The following EYS variants were observed in gnomAD, a reference collection of about 807,000 sequenced individuals.
EYS encodes EGF-like photoreceptor maintenance factor.
A neutral mutation model predicts 282.1 loss-of-function variants in EYS; 250 were observed. That is an observed-to-expected ratio of 0.89 (90% CI 0.80 to 0.98). The LOEUF is 0.98. EYS is among the 50% of genes least tolerant of loss of function. EYS has a pLI of 0.00. For missense variants in EYS, 4,016 were observed against 3,709.0 expected (o/e 1.08, Z -2.15); for synonymous variants, 1,355 against 1,282.9 (o/e 1.06, Z -1.20).
chr6:64,005,088 A>G (rs1045919593), intron 33 of EYS, among the ~76,000 whole-genome samples: 4 of 152,320 alleles, frequency 2.6e-5, no homozygotes, highest in East Asian at 3.9e-4. Flanking sequence ...GCAGCAGTGT[A>G]TAAGAGTTCC....
At chr6:64,390,993 C>G (rs1386923360) in intron 28 of EYS, among the ~76,000 whole-genome samples, 1 of 151,834 alleles carries the variant, frequency 6.6e-6, no homozygotes, top group Admixed American at 6.6e-5. Context: ...GCCTCAGGAG[C>G]CGATGCGAAT....
chr6:64,958,514 G>A (rs370251755), intron 14 of EYS, among the ~76,000 whole-genome samples: 4 of 151,968 alleles, frequency 2.6e-5, no homozygotes, highest in African/African-American at 7.2e-5. Context: ...TTGGGAGGCC[G>A]AGGCGGGTGG....
At chr6:63,764,974 G>T (rs531492016) in intron 40 of EYS, among the ~76,000 whole-genome samples, 5 of 151,958 alleles carry the variant, frequency 3.3e-5, no homozygotes, top group African/African-American at 1.2e-4. Flanking sequence ...TCTACTTTGG[G>T]TGATATTTTT....
At chr6:65,557,443 C>A (rs1219491821) in intron 2 of EYS, among the ~76,000 whole-genome samples, 1 of 152,218 alleles carries the variant, frequency 6.6e-6, no homozygotes, top group Non-Finnish European at 1.5e-5. Flanking sequence ...ACCAGACATA[C>A]AACATGCCAC....
chr6:65,063,058 T>C (rs1037962996), intron 12 of EYS, among the ~76,000 whole-genome samples: 4 of 152,116 alleles, frequency 2.6e-5, no homozygotes, highest in East Asian at 3.9e-4. Flanking sequence ...AATTCATGTA[T>C]TCTTGGAAGT....
chr6:64,337,824 C>T (rs1770911397), intron 29 of EYS, among the ~76,000 whole-genome samples: 1 of 152,010 alleles, frequency 6.6e-6, no homozygotes, highest in Non-Finnish European at 1.5e-5. Flanking sequence ...GGTGGTTTAA[C>T]ATACACAAGT....
At position 63,905,733 on chromosome 6, in the gene EYS, T is replaced by C. The variant is rs953986742; in HGVS notation, c.7056-41375A>G. ...TGTTAAATTCTCTAACCCAGTGGACTAGAATTTGCCTGTCGATTTTGATCT... is the reference window on the plus strand; with the variant it reads ...TGTTAAATTCTCTAACCCAGTGGACCAGAATTTGCCTGTCGATTTTGATCT... On this transcript the variant is annotated intron_variant, in intron 35 of 42. Transcript: ENST00000503581. Among the ~76,000 whole-genome samples, 3 of 152,226 alleles carry C rather than the reference T, an allele frequency of 2.0e-5. No individual in the cohort carries two copies. In the South Asian group the frequency reaches 6.2e-4, roughly 31 times the overall value.
intron 11 of EYS, among the ~76,000 whole-genome samples, chr6:65,318,223 T>C (rs1391589434): frequency 1.3e-5 from 2 of 151,694 alleles, no homozygotes; most frequent in African/African-American, 4.8e-5. Context: ...GTTCACAATA[T>C]AGCAACTTGT....
rs75244457 is a variant in EYS at position 64,328,709 on chromosome 6, G to A, written c.6079-21627C>T. On this transcript the variant is annotated intron_variant, in intron 29 of 42. Transcript: ENST00000503581. The stretch of plus-strand genomic sequence containing the variant: ...ATGTATTTGTAAATTGGGATGAGGA[G>A]GCCAAGAGAGAAGCCAGACACAGAG... 8.1e-3 allele frequency among the ~76,000 whole-genome samples: 1,232 copies of A among 152,252 alleles called. 19 individuals carry two copies. Among genetic ancestry groups the A allele is most frequent in the East Asian group, 0.049 (254 of 5,168 alleles).
At chr6:64,056,195 G>A (rs1164085216) in intron 33 of EYS, among the ~76,000 whole-genome samples, 1 of 152,108 alleles carries the variant, frequency 6.6e-6, no homozygotes, top group African/African-American at 2.4e-5. Context: ...AATAAACTTT[G>A]TGCATGCAAA....
intron 22 of EYS, among the ~76,000 whole-genome samples, chr6:64,771,340 A>G (rs1235566478): frequency 6.6e-6 from 1 of 151,350 alleles, no homozygotes; most frequent in African/African-American, 2.4e-5. Flanking sequence ...TTTTGTTGAT[A>G]AAATCTACAC....
At chr6:63,743,063 C>T (rs562040957) in intron 41 of EYS, among the ~76,000 whole-genome samples, 21 of 152,108 alleles carry the variant, frequency 1.4e-4, no homozygotes, top group Middle Eastern at 3.4e-3. Flanking sequence ...TTTTCTATAG[C>T]GGCTATACCA....
At chr6:64,343,546 A>G (rs958275491) in intron 29 of EYS, among the ~76,000 whole-genome samples, 2 of 152,112 alleles carry the variant, frequency 1.3e-5, no homozygotes, top group African/African-American at 4.8e-5. Flanking sequence ...TCTCTGGGAC[A>G]CATTCAAAGC....
intron 12 of EYS, among the ~76,000 whole-genome samples, chr6:65,207,360 T>C (rs1766061707): frequency 7.5e-6 from 1 of 132,546 alleles, no homozygotes; most frequent in Non-Finnish European, 1.6e-5. Flanking sequence ...AAGACACTGA[T>C]GAAAAAAAAA....
chr6:65,363,376 G>A (rs1481831911), intron 8 of EYS, among the ~76,000 whole-genome samples: 8 of 151,594 alleles, frequency 5.3e-5, no homozygotes, highest in Non-Finnish European at 4.4e-5. Flanking sequence ...AATCAATTAA[G>A]CAATTAAATA....
intron 40 of EYS, among the ~76,000 whole-genome samples, chr6:63,773,800 T>C (rs773423400): frequency 6.6e-5 from 10 of 152,166 alleles, no homozygotes; most frequent in African/African-American, 9.7e-5. Flanking sequence ...GAGCAAAGGA[T>C]GCTTAATTTG....
intron 34 of EYS, among the ~76,000 whole-genome samples, chr6:63,996,415 A>G (rs1364129472): frequency 6.6e-6 from 1 of 152,158 alleles, no homozygotes; most frequent in African/African-American, 2.4e-5. Flanking sequence ...AACAGTAATT[A>G]GCAATAATGT....
chr6:64,253,078 T>A (rs1199792703), intron 30 of EYS, among the ~76,000 whole-genome samples: 2 of 152,128 alleles, frequency 1.3e-5, no homozygotes, highest in Admixed American at 6.6e-5. Context: ...TTTAACTATA[T>A]GTGAGGAAGT....
At chr6:65,125,150 G>GA (rs1187829437) in intron 12 of EYS, among the ~76,000 whole-genome samples, 2 of 152,162 alleles carry the variant, frequency 1.3e-5, no homozygotes, top group Non-Finnish European at 2.9e-5. Flanking sequence ...TAAAATAATG[G>GA]AAAATATTCC....
Sources: allele counts gnomAD v4.1 joint callset (sites outside exome capture counted in the v4.1 genomes callset), GRCh38; gene constraint gnomAD v4.1.1; transcripts MANE v1.5; gene names NCBI Gene and HGNC (gene_info 2026-07-23, HGNC 2026-07-21).